SYT14: variants seen among roughly 807,000 people sequenced by gnomAD.
SYT14 encodes synaptotagmin 14.
A neutral mutation model predicts 74.2 loss-of-function variants in SYT14; 32 were observed. That is an observed-to-expected ratio of 0.43 (90% CI 0.33 to 0.58). SYT14 has a LOEUF of 0.58. Among genes scored for constraint, SYT14 ranks in the 20% least tolerant of loss-of-function variants. SYT14 has a pLI of 0.05. For synonymous variants in SYT14, 298 were observed against 337.7 expected, an observed-to-expected ratio of 0.88 and a Z score of 1.29; for missense variants, 791 against 981.8, an observed-to-expected ratio of 0.81 and a Z score of 2.60.
chr1:210,157,383 A>G (rs1478207632), intron 8 of SYT14, among the ~76,000 whole-genome samples: 1 of 151,810 alleles, frequency 6.6e-6, no homozygotes, highest in Non-Finnish European at 1.5e-5. Context: ...TCAAGGCTGC[A>G]GGGAGCCAAG....
At chr1:209,980,167 G>A (rs2079455897) in intron 2 of SYT14, among the ~76,000 whole-genome samples, 2 of 152,116 alleles carry the variant, frequency 1.3e-5, no homozygotes, top group South Asian at 2.1e-4. Context: ...GGTGTAAGAT[G>A]GTATCTCATT....
chr1:210,106,495 G>A (rs2082160182), intron 7 of SYT14, among the ~76,000 whole-genome samples: 1 of 152,148 alleles, frequency 6.6e-6, no homozygotes, highest in Non-Finnish European at 1.5e-5. Context: ...CCACAGGGCT[G>A]GGGAGGCATC....
At chr1:209,949,623 T>C (rs564484455) in intron 1 of SYT14, among the ~76,000 whole-genome samples, 4 of 152,184 alleles carry the variant, frequency 2.6e-5, no homozygotes, top group Non-Finnish European at 5.9e-5. Context: ...AATAAATTTA[T>C]ATGACTTTTT....
intron 5 of SYT14, among the ~76,000 whole-genome samples, chr1:210,034,635 C>T (rs898175350): frequency 3.3e-5 from 5 of 151,810 alleles, no homozygotes; most frequent in Non-Finnish European, 7.4e-5. Context: ...TTATTCCACT[C>T]TCTATGTCCA....
At chr1:210,065,110 G>A (rs779210146) in intron 5 of SYT14, among the ~76,000 whole-genome samples, 1 of 152,028 alleles carries the variant, frequency 6.6e-6, no homozygotes, top group Non-Finnish European at 1.5e-5. Flanking sequence ...GCCCAGTTTT[G>A]AATTGGGTTG....
Position 210,036,747 on chromosome 1 carries a change from A to G in SYT14, c.1312+15493A>G, listed in dbSNP as rs182051562. ...GTGAATCTCATTTATTGATTTGCAT[A>G]TGTTGAACTATCCTTATATCCCTGA... On this transcript the variant is annotated intron_variant, in intron 5 of 9. Coordinates refer to ENST00000637265, the Ensembl canonical transcript of SYT14. Among the ~76,000 whole-genome samples the G allele has an allele frequency of 2.0e-5, 3 of 152,182 alleles. No homozygotes were observed. In the East Asian group the frequency reaches 5.8e-4, roughly 29 times the overall value.
At chr1:210,010,814 G>T (rs1043308552) in intron 2 of SYT14, among the ~76,000 whole-genome samples, 3 of 152,138 alleles carry the variant, frequency 2.0e-5, no homozygotes, top group Non-Finnish European at 4.4e-5. Flanking sequence ...GCCAGACAGG[G>T]TTTGAATCCT....
intron 5 of SYT14, among the ~76,000 whole-genome samples, chr1:210,041,276 G>A (rs969295421): frequency 6.6e-6 from 1 of 152,184 alleles, no homozygotes. Context: ...CAACCCTCTT[G>A]AGTCTTTGTG....
exon 10 of SYT14, chr1:210,161,671 T>C: frequency 2.2e-6 from 1 of 453,738 alleles, no homozygotes; most frequent in Non-Finnish European, 4.4e-6. Context: ...CAGGAATTTT[T>C]TTAATATGTT....
chr1:210,156,683 CTTTTTTTTTTTTT>C (rs71146208), intron 8 of SYT14, among the ~76,000 whole-genome samples: 3 of 55,962 alleles, frequency 5.4e-5, no homozygotes, highest in African/African-American at 6.6e-5. Flanking sequence ...GTGGCAGCTT[CTTTTTTTTTTTTT>C]TTTTTTTTTT....
chr1:209,977,458 C>G (rs538052446), intron 2 of SYT14, among the ~76,000 whole-genome samples: 4 of 152,266 alleles, frequency 2.6e-5, no homozygotes, highest in Admixed American at 1.3e-4. Context: ...TTCTCCTTCA[C>G]TTATGAAGCT....
chr1:209,975,868 C>T (rs1421676045), intron 2 of SYT14, among the ~76,000 whole-genome samples: 1 of 152,150 alleles, frequency 6.6e-6, no homozygotes, highest in Non-Finnish European at 1.5e-5. Context: ...TTAATTATTG[C>T]CTCAATTTCA....
At chr1:209,955,688 A>G (rs994412709) in intron 2 of SYT14, among the ~76,000 whole-genome samples, 10 of 152,122 alleles carry the variant, frequency 6.6e-5, no homozygotes, top group Admixed American at 5.2e-4. Context: ...TTATACCTCA[A>G]ATAAAAGTAT....
At chr1:209,974,817 C>G (rs752496732) in intron 2 of SYT14, among the ~76,000 whole-genome samples, 1 of 152,172 alleles carries the variant, frequency 6.6e-6, no homozygotes, top group Non-Finnish European at 1.5e-5. Flanking sequence ...TGGCCATTTT[C>G]ACAATATTGA....
intron 5 of SYT14, among the ~76,000 whole-genome samples, chr1:210,046,302 A>G (rs2080883240): frequency 6.6e-6 from 1 of 152,170 alleles, no homozygotes; most frequent in South Asian, 2.1e-4. Flanking sequence ...TGAACCCAGG[A>G]TGTGGAGGTT....
chr1:209,967,679 A>C (rs1443378114), intron 2 of SYT14, among the ~76,000 whole-genome samples: 2 of 152,068 alleles, frequency 1.3e-5, no homozygotes, highest in Non-Finnish European at 1.5e-5. Context: ...TGATATTGAT[A>C]ATTTCTGTCA....
chr1:210,089,748 A>G (rs935405600), intron 5 of SYT14, among the ~76,000 whole-genome samples: 3 of 152,182 alleles, frequency 2.0e-5, no homozygotes, highest in African/African-American at 7.2e-5. Context: ...TGTCTTGACT[A>G]TGAGTCGTCC....
chr1:210,067,282 TC>T (rs2081313799), intron 5 of SYT14, among the ~76,000 whole-genome samples: 1 of 152,074 alleles, frequency 6.6e-6, no homozygotes, highest in African/African-American at 2.4e-5. Context: ...ATTCTGGTTA[TC>T]CTTGCAATTC....
intron 7 of SYT14, among the ~76,000 whole-genome samples, chr1:210,136,021 A>G (rs977486679): frequency 6.6e-6 from 1 of 152,212 alleles, no homozygotes; most frequent in Non-Finnish European, 1.5e-5. Flanking sequence ...TTTTTAAACT[A>G]TGAGTGAGAC....
Sources: allele counts gnomAD v4.1 joint callset (sites outside exome capture counted in the v4.1 genomes callset), GRCh38; gene constraint gnomAD v4.1.1; transcripts MANE v1.5; gene names NCBI Gene and HGNC (gene_info 2026-07-23, HGNC 2026-07-21).